Variants in TRHDE observed in about 807,000 individuals in gnomAD.
The protein encoded by TRHDE is thyrotropin-releasing hormone-degrading ectoenzyme.
In TRHDE, 72 loss-of-function variants were observed where a neutral mutation model predicts 125.7. That is an observed-to-expected ratio of 0.57 (90% CI 0.47 to 0.70). The LOEUF is 0.70. Among genes scored for constraint, TRHDE ranks in the 30% least tolerant of loss-of-function variants. TRHDE has a pLI of 0.00. For missense variants in TRHDE, 1,110 were observed against 1,327.1 expected, an observed-to-expected ratio of 0.84 and a Z score of 2.54; for synonymous variants, 509 against 509.1, an observed-to-expected ratio of 1.00 and a Z score of 0.00.
At chr12:72,622,593 G>A (rs981346985) in intron 15 of TRHDE, among the ~76,000 whole-genome samples, 15 of 151,936 alleles carry the variant, frequency 9.9e-5, no homozygotes, top group African/African-American at 3.1e-4. Context: ...GTGCAACAGC[G>A]GGGTTGTTCC....
chr12:72,396,760 A>G (rs976920830), intron 3 of TRHDE, among the ~76,000 whole-genome samples: 4 of 152,002 alleles, frequency 2.6e-5, no homozygotes, highest in Admixed American at 1.3e-4. Context: ...ACAAACAAAC[A>G]AACAAAAAAC....
At chr12:72,342,529 C>T (rs554140464) in intron 2 of TRHDE, among the ~76,000 whole-genome samples, 42 of 152,050 alleles carry the variant, frequency 2.8e-4, no homozygotes, top group African/African-American at 9.4e-4. Context: ...TTAGTATAGG[C>T]GATTGAGATG....
intron 2 of TRHDE, among the ~76,000 whole-genome samples, chr12:72,144,429 C>T (rs1566244275): frequency 1.3e-5 from 2 of 152,198 alleles, no homozygotes; most frequent in African/African-American, 2.4e-5. Flanking sequence ...AAAGTCTGAT[C>T]GAATTAAAGT....
chr12:72,089,093 C>A (rs1385129012), intron 1 of TRHDE, among the ~76,000 whole-genome samples: 1 of 152,110 alleles, frequency 6.6e-6, no homozygotes, highest in African/African-American at 2.4e-5. Flanking sequence ...TATCTAGTTT[C>A]CAAGGTCAAA....
At chr12:72,269,106 T>C (rs913750541), upstream of TRHDE, among the ~76,000 whole-genome samples, 9 of 152,080 alleles carry the variant, frequency 5.9e-5, no homozygotes, top group African/African-American at 2.2e-4. Context: ...GTGCGAACTC[T>C]GAAATTTCAC....
At position 72,207,513 on chromosome 12, in the gene TRHDE, T is replaced by C. The variant is rs149985964; in HGVS notation, n.279+101761T>C. Reference sequence around the variant, plus strand: ...TCCCTAATAAAAAGGACAGCAACTTTAGTATATGGCTAGAATTAAATATTT... The same window carrying C: ...TCCCTAATAAAAAGGACAGCAACTTCAGTATATGGCTAGAATTAAATATTT... On this transcript the variant is annotated intron_variant and non_coding_transcript_variant, in intron 2 of 4. Transcript: ENST00000548156. Among the ~76,000 whole-genome samples the C allele has an allele frequency of 3.6e-3, 545 of 152,290 alleles. 4 individuals carry two copies. Among genetic ancestry groups the C allele is most frequent in the Non-Finnish European group, 5.5e-3 (376 of 68,028 alleles).
intron 2 of TRHDE, among the ~76,000 whole-genome samples, chr12:72,169,556 A>G (rs1876825767): frequency 6.6e-6 from 1 of 152,000 alleles, no homozygotes; most frequent in Admixed American, 6.6e-5. Context: ...TCCTCTTCTT[A>G]TAAAGGTGCA....
chr12:72,312,879 C>G (rs1020584033), intron 2 of TRHDE, among the ~76,000 whole-genome samples: 8 of 152,080 alleles, frequency 5.3e-5, no homozygotes, highest in Non-Finnish European at 1.0e-4. Context: ...TGCATCTCTG[C>G]CAATATACAT....
intron 3 of TRHDE, among the ~76,000 whole-genome samples, chr12:72,467,235 C>T (rs1876421234): frequency 1.3e-5 from 2 of 151,100 alleles, no homozygotes; most frequent in Admixed American, 1.3e-4. Context: ...CCTCCCCACT[C>T]CCCCCACCCC....
Position 72,631,385 on chromosome 12 carries a change from T to C in TRHDE, c.2675+9634T>C, listed in dbSNP as rs1354315637. ...TTGCCAGAAGCTAGGTTATTTTGTT[T>C]TGTTTTCAATAATTTTCTGTTACTT... On this transcript the variant is annotated intron_variant, in intron 15 of 18. Coordinates refer to ENST00000261180, the MANE Select transcript of TRHDE (RefSeq NM_013381.3). Among the ~76,000 whole-genome samples, 5 of 151,962 alleles carry C rather than the reference T, an allele frequency of 3.3e-5. No individual in the cohort carries two copies. The East Asian group carries it at 9.7e-4, about 29-fold the overall frequency.
chr12:72,583,923 C>CTTTTTTTTTTTTT (rs1190363456), intron 12 of TRHDE, among the ~76,000 whole-genome samples: 2 of 60,486 alleles, frequency 3.3e-5, no homozygotes, highest in African/African-American at 2.5e-4. Context: ...GGATGACAAA[C>CTTTTTTTTTTTTT]TTTTTTTTTT....
chr12:72,171,399 T>C (rs1033297059), intron 2 of TRHDE, among the ~76,000 whole-genome samples: 3 of 152,192 alleles, frequency 2.0e-5, no homozygotes, highest in South Asian at 2.1e-4. Context: ...AAAAATTATT[T>C]GGATGATTAT....
intron 12 of TRHDE, among the ~76,000 whole-genome samples, chr12:72,598,312 G>C (rs571711518): frequency 5.3e-5 from 8 of 152,250 alleles, no homozygotes; most frequent in African/African-American, 1.9e-4. Flanking sequence ...AACTTTACTT[G>C]ATAAACTTCA....
intron 2 of TRHDE, among the ~76,000 whole-genome samples, chr12:72,156,828 G>A (rs1053204976): frequency 8.5e-5 from 13 of 152,174 alleles, no homozygotes; most frequent in African/African-American, 3.1e-4. Context: ...ATGGCCCCAA[G>A]TATAGGGAAT....
chr12:72,656,130 T>C (rs1874700844), intron 17 of TRHDE, among the ~76,000 whole-genome samples: 1 of 152,118 alleles, frequency 6.6e-6, no homozygotes, highest in Non-Finnish European at 1.5e-5. Context: ...TAGGTATCCT[T>C]AGCATAGAAG....
intron 6 of TRHDE, among the ~76,000 whole-genome samples, chr12:72,514,436 A>ATAATT (rs71071837): frequency 6.6e-6 from 1 of 151,470 alleles, no homozygotes; most frequent in African/African-American, 2.4e-5. Context: ...TGAAAATGAA[A>ATAATT]TAAGAATATA....
chr12:72,596,395 C>A (rs1210440543), intron 12 of TRHDE, among the ~76,000 whole-genome samples: 3 of 152,048 alleles, frequency 2.0e-5, no homozygotes, highest in African/African-American at 7.2e-5. Flanking sequence ...TATGAGGACT[C>A]CACTGTAACA....
chr12:72,269,388 T>C (rs1190043380), upstream of TRHDE, among the ~76,000 whole-genome samples: 1 of 152,186 alleles, frequency 6.6e-6, no homozygotes, highest in Non-Finnish European at 1.5e-5. Flanking sequence ...TTAATAATCT[T>C]ATGTCCACTC....
At chr12:72,354,509 G>A (rs1056443113) in intron 2 of TRHDE, among the ~76,000 whole-genome samples, 5 of 151,090 alleles carry the variant, frequency 3.3e-5, no homozygotes, top group African/African-American at 9.7e-5. Flanking sequence ...GGGCATAGCA[G>A]GTGTTCTAAT....
Sources: gnomAD v4.1 joint callset for allele counts (sites outside exome capture counted in the v4.1 genomes callset) on GRCh38, gnomAD v4.1.1 for gene constraint, MANE v1.5 for transcripts, NCBI Gene and HGNC (gene_info 2026-07-23, HGNC 2026-07-21) for gene names.